XPR1: variants seen among roughly 807,000 people sequenced by gnomAD.
XPR1 encodes solute carrier family 53 member 1.
In XPR1, 28 loss-of-function variants were observed where a neutral mutation model predicts 87.5. The ratio of observed to expected loss-of-function variants is 0.32; its 90% CI spans 0.24 to 0.44. The LOEUF is 0.44. Among genes scored for constraint, XPR1 ranks in the 20% least tolerant of loss-of-function variants. The pLI, the probability that XPR1 is intolerant of heterozygous loss-of-function variation, is 1.00. For synonymous variants in XPR1, 300 were observed against 306.1 expected, an observed-to-expected ratio of 0.98 and a Z score of 0.21; for missense variants, 559 against 862.3, an observed-to-expected ratio of 0.65 and a Z score of 4.41.
intron 3 of XPR1, among the ~76,000 whole-genome samples, chr1:180,798,210 A>G (rs1241546448): frequency 6.6e-6 from 1 of 152,180 alleles, no homozygotes; most frequent in East Asian, 1.9e-4. Flanking sequence ...CATGAAAACC[A>G]TAAACAAAGA....
chr1:180,755,756 G>T (rs1343712472), intron 2 of XPR1, among the ~76,000 whole-genome samples: 1 of 152,122 alleles, frequency 6.6e-6, no homozygotes, highest in East Asian at 1.9e-4. Context: ...CCCTGATGAA[G>T]GTTTGTAGTT....
intron 2 of XPR1, among the ~76,000 whole-genome samples, chr1:180,687,856 AGATATATTTCT>A (rs1306253667): frequency 6.6e-6 from 1 of 151,588 alleles, no homozygotes; most frequent in Non-Finnish European, 1.5e-5. Context: ...TATATATTTT[AGATATATTTCT>A]GATATATTTC....
At chr1:180,736,813 T>C (rs1658744035) in intron 2 of XPR1, among the ~76,000 whole-genome samples, 1 of 152,102 alleles carries the variant, frequency 6.6e-6, no homozygotes, top group East Asian at 1.9e-4. Flanking sequence ...AGACATTATG[T>C]GTTCAACAGT....
chr1:180,828,585 A>C (rs1349090910), intron 9 of XPR1, among the ~76,000 whole-genome samples: 8 of 152,234 alleles, frequency 5.3e-5, no homozygotes, highest in Admixed American at 4.6e-4. Flanking sequence ...TCTATAGTAA[A>C]AATTTTACAC....
At chr1:180,752,872 T>C (rs1186567858) in intron 2 of XPR1, among the ~76,000 whole-genome samples, 1 of 152,194 alleles carries the variant, frequency 6.6e-6, no homozygotes, top group Non-Finnish European at 1.5e-5. Flanking sequence ...TTGATAATGA[T>C]TTTAGATAAT....
intron 2 of XPR1, among the ~76,000 whole-genome samples, chr1:180,775,430 G>GA (rs1254146178): frequency 4.0e-5 from 6 of 151,432 alleles, no homozygotes; most frequent in African/African-American, 7.3e-5. Flanking sequence ...ATATAAAAAT[G>GA]AAAAAAAATT....
Position 180,741,405 on chromosome 1 carries a change from A to T in XPR1, c.122-46348A>T, listed in dbSNP as rs1658920214. Among the ~76,000 whole-genome samples the T allele has an allele frequency of 2.0e-5, 3 of 152,036 alleles. No individual in the cohort carries two copies. In the South Asian group the frequency reaches 6.3e-4, roughly 32 times the overall value. On this transcript the variant is annotated intron_variant, in intron 2 of 14. Coordinates refer to ENST00000367590, the MANE Select transcript of XPR1 (RefSeq NM_004736.4). ...GGTCTCGAACTCCTGATCTCGGGTG[A>T]TCCACACCCTTCGGCCTCCCAAAAG...
At chr1:180,725,818 G>A (rs1164682316) in intron 2 of XPR1, among the ~76,000 whole-genome samples, 1 of 152,142 alleles carries the variant, frequency 6.6e-6, no homozygotes, top group Non-Finnish European at 1.5e-5. Context: ...AACCTGGATT[G>A]AAATCCTGGC....
chr1:180,806,969 G>C (rs1431604569), intron 6 of XPR1, among the ~76,000 whole-genome samples: 5 of 151,976 alleles, frequency 3.3e-5, no homozygotes, highest in Non-Finnish European at 7.4e-5. Flanking sequence ...CATAAAACAA[G>C]TCTCAATAAA....
chr1:180,831,169 A>G (rs1351555849), intron 9 of XPR1, among the ~76,000 whole-genome samples: 1 of 152,106 alleles, frequency 6.6e-6, no homozygotes, highest in Non-Finnish European at 1.5e-5. Context: ...ATCCTTTCCT[A>G]CTTATCCTCT....
At chr1:180,688,762 C>G (rs1375525674) in intron 2 of XPR1, among the ~76,000 whole-genome samples, 1 of 152,106 alleles carries the variant, frequency 6.6e-6, no homozygotes, top group Non-Finnish European at 1.5e-5. Flanking sequence ...AGTGAAATAT[C>G]TTTTACCTTT....
At chr1:180,636,951 C>G (rs944961539) in intron 1 of XPR1, among the ~76,000 whole-genome samples, 1 of 148,914 alleles carries the variant, frequency 6.7e-6, no homozygotes, top group African/African-American at 2.5e-5. Context: ...ACGCGGGAGA[C>G]TGAGGCAGGA....
intron 2 of XPR1, among the ~76,000 whole-genome samples, chr1:180,696,314 A>C (rs879642313): frequency 6.6e-6 from 1 of 150,560 alleles, no homozygotes; most frequent in Non-Finnish European, 1.5e-5. Context: ...TTGTATGCTT[A>C]TTTTGTATCC....
At position 180,888,712 on chromosome 1, in the gene XPR1, A is replaced by G. The variant is rs1653094343; in HGVS notation, c.*4646A>G. 1 of 152,218 alleles carries G rather than the reference A, an allele frequency of 6.6e-6. No homozygotes were observed. The highest frequency in any genetic ancestry group is 2.4e-5 in the African/African-American group (1 of 41,462). The allele number at this position is 152,218 out of a possible 1,614,324, so 9.4% of individuals were successfully genotyped here. On this transcript the variant is annotated 3_prime_UTR_variant, in exon 15 of 15. Coordinates refer to ENST00000367590, the MANE Select transcript of XPR1 (RefSeq NM_004736.4). ...TTAAAGGTTTTCTAAATGCAAACAC[A>G]TACGTTTCTGCATTTCAGAAGTCAG...
chr1:180,829,914 CT>C (rs1650996496), intron 9 of XPR1, among the ~76,000 whole-genome samples: 1 of 151,772 alleles, frequency 6.6e-6, no homozygotes. Flanking sequence ...TCTCCCTCTT[CT>C]GCTCTTATGG....
chr1:180,834,008 A>G (rs1651177022), intron 9 of XPR1, among the ~76,000 whole-genome samples: 1 of 152,190 alleles, frequency 6.6e-6, no homozygotes, highest in African/African-American at 2.4e-5. Context: ...AAGAATACAA[A>G]TATCAAGGAG....
At chr1:180,834,070 T>C (rs1651179684) in intron 9 of XPR1, among the ~76,000 whole-genome samples, 2 of 151,482 alleles carry the variant, frequency 1.3e-5, no homozygotes, top group African/African-American at 4.9e-5. Context: ...GACTTAGAAA[T>C]GTACATATTG....
At position 180,664,680 on chromosome 1, in the gene XPR1, C is replaced by T. The variant is rs540843025; in HGVS notation, c.70-17680C>T. Among the ~76,000 whole-genome samples, 47 of 152,280 alleles carry T rather than the reference C, an allele frequency of 3.1e-4. 2 individuals carry two copies. The South Asian group carries it at 9.1e-3, about 30-fold the overall frequency. On this transcript the variant is annotated intron_variant, in intron 1 of 14. Coordinates refer to ENST00000367590, the MANE Select transcript of XPR1 (RefSeq NM_004736.4). ...TTACTAGGTCACGTGTCCCCCCAGT[C>T]GACTGGCTCTGATCCTAGCACAGCA...
intron 2 of XPR1, among the ~76,000 whole-genome samples, chr1:180,746,636 T>C (rs1647266735): frequency 6.6e-6 from 1 of 152,176 alleles, no homozygotes; most frequent in Admixed American, 6.5e-5. Context: ...GTAGTGGGAT[T>C]ACTGGATCGA....
Sources: gnomAD v4.1 joint callset for allele counts (sites outside exome capture counted in the v4.1 genomes callset) on GRCh38, gnomAD v4.1.1 for gene constraint, MANE v1.5 for transcripts, NCBI Gene and HGNC (gene_info 2026-07-23, HGNC 2026-07-21) for gene names.